The following STXBP4 variants were observed in gnomAD, a reference collection of about 807,000 sequenced individuals.
The protein encoded by STXBP4 is syntaxin binding protein 4, also known as syntaxin-binding protein 4.
Under a neutral mutation model 76.1 loss-of-function variants are expected in STXBP4, and 55 were observed. That is an observed-to-expected ratio of 0.72 (90% CI 0.58 to 0.91). STXBP4 has a LOEUF of 0.91. STXBP4 is among the 40% of genes least tolerant of loss of function. The pLI, the probability that STXBP4 is intolerant of heterozygous loss-of-function variation, is 0.00. For missense variants in STXBP4, 618 were observed against 636.9 expected (o/e 0.97, Z 0.32); for synonymous variants, 201 against 220.2 (o/e 0.91, Z 0.77).
At position 55,163,599 on chromosome 17, in the gene STXBP4, T is replaced by C. The variant is rs1028379418; in HGVS notation, c.*3688T>C. On this transcript the variant is annotated 3_prime_UTR_variant, in exon 18 of 18. Coordinates refer to ENST00000376352, the MANE Select transcript of STXBP4 (RefSeq NM_178509.6). ...CAGCAAACACTTCCTGAGCACCTGC[T>C]ACATGCCAGGCAAAATGTGAAATTT... 2 of 152,200 alleles carry C rather than the reference T, an allele frequency of 1.3e-5. No homozygotes were observed. The highest frequency in any genetic ancestry group is 4.8e-5 in the African/African-American group (2 of 41,446). 9.4% of individuals were successfully genotyped at this position (152,200 alleles called of 1,614,324 possible).
At chr17:55,020,801 G>C (rs2078296847) in intron 8 of STXBP4, among the ~76,000 whole-genome samples, 1 of 152,098 alleles carries the variant, frequency 6.6e-6, no homozygotes, top group African/African-American at 2.4e-5. Context: ...TGGGCAACAA[G>C]AGTGAAACTC....
At chr17:55,144,017 A>G (rs879796932) in intron 17 of STXBP4, among the ~76,000 whole-genome samples, 3,465 of 137,138 alleles carry the variant, frequency 0.025, 44 homozygotes, top group Middle Eastern at 0.038. Context: ...ACACACACAC[A>G]CACACACACA....
intron 12 of STXBP4, among the ~76,000 whole-genome samples, chr17:55,055,383 G>C (rs1033670395): frequency 6.6e-6 from 1 of 152,006 alleles, no homozygotes; most frequent in African/African-American, 2.4e-5. Flanking sequence ...CAACTTGTTG[G>C]GCCTACTTTT....
At chr17:55,052,541 A>AT in intron 12 of STXBP4, among the ~76,000 whole-genome samples, 1 of 152,142 alleles carries the variant, frequency 6.6e-6, no homozygotes, top group Non-Finnish European at 1.5e-5. Flanking sequence ...TAAAGACTTG[A>AT]TCAGGCACAA....
the STXBP4 span, among the ~76,000 whole-genome samples, chr17:55,181,308 T>C: frequency 1.3e-5 from 2 of 152,230 alleles, no homozygotes; most frequent in South Asian, 2.1e-4. Flanking sequence ...AGGTACAAAT[T>C]TTTTAAATAA....
At chr17:55,148,549 T>C (rs1353431035) in intron 17 of STXBP4, among the ~76,000 whole-genome samples, 1 of 151,722 alleles carries the variant, frequency 6.6e-6, no homozygotes, top group East Asian at 1.9e-4. Context: ...TTTTTTTTTC[T>C]TTTTTTTGAG....
the STXBP4 span, among the ~76,000 whole-genome samples, chr17:55,206,787 G>T: frequency 6.7e-6 from 1 of 149,150 alleles, no homozygotes; most frequent in Admixed American, 6.8e-5. Context: ...AACCCGGAAG[G>T]GGGAGGTTGC....
intron 13 of STXBP4, among the ~76,000 whole-genome samples, chr17:55,074,433 C>T (rs1265196788): frequency 6.6e-6 from 1 of 152,026 alleles, no homozygotes; most frequent in African/African-American, 2.4e-5. Flanking sequence ...TTTTTACATT[C>T]TGAAAGTAGA....
intron 16 of STXBP4, among the ~76,000 whole-genome samples, chr17:55,093,399 G>C (rs1860020913): frequency 6.6e-6 from 1 of 152,110 alleles, no homozygotes; most frequent in African/African-American, 2.4e-5. Flanking sequence ...CCTAGAATTG[G>C]GGTGATGTTC....
chr17:55,136,486 A>G (rs2145137189), intron 16 of STXBP4, among the ~76,000 whole-genome samples: 1 of 152,000 alleles, frequency 6.6e-6, no homozygotes, highest in Admixed American at 6.6e-5. Context: ...CTTCCTAATT[A>G]TTTTCCTGCA....
chr17:55,039,739 TA>T (rs5821081), intron 10 of STXBP4, among the ~76,000 whole-genome samples: 30,451 of 146,280 alleles, frequency 0.21, 3,263 homozygotes, highest in Middle Eastern at 0.32. Context: ...GAAGAATGAA[TA>T]AAAAAAAAAA....
At chr17:55,100,559 C>A (rs1470745918) in intron 16 of STXBP4, among the ~76,000 whole-genome samples, 5 of 152,096 alleles carry the variant, frequency 3.3e-5, no homozygotes, top group African/African-American at 1.2e-4. Context: ...AAGTTAAGGC[C>A]AGGATTAACT....
the STXBP4 span, among the ~76,000 whole-genome samples, chr17:55,189,738 A>C: frequency 6.6e-6 from 1 of 152,246 alleles, no homozygotes; most frequent in African/African-American, 2.4e-5. Flanking sequence ...TTACGCTCTG[A>C]AAAACAGATG....
intron 8 of STXBP4, among the ~76,000 whole-genome samples, chr17:55,013,875 G>A (rs995171893): frequency 2.0e-5 from 3 of 152,144 alleles, no homozygotes; most frequent in African/African-American, 7.2e-5. Context: ...CAAGAATTGA[G>A]AGTCAGGATG....
intron 4 of STXBP4, among the ~76,000 whole-genome samples, chr17:54,995,069 A>T (rs1355982258): frequency 6.6e-6 from 1 of 152,134 alleles, no homozygotes; most frequent in Non-Finnish European, 1.5e-5. Context: ...GAACCACAAG[A>T]CAGTATGTTT....
intron 16 of STXBP4, among the ~76,000 whole-genome samples, chr17:55,121,077 A>G (rs992541028): frequency 2.0e-5 from 3 of 152,206 alleles, no homozygotes; most frequent in Non-Finnish European, 2.9e-5. Context: ...TAAATATTCA[A>G]TTCGGAAAAT....
intron 13 of STXBP4, 61 bp from the exon 14 acceptor site, chr17:55,078,017 A>G: frequency 1.0e-6 from 1 of 985,402 alleles, no homozygotes; most frequent in Non-Finnish European, 1.5e-6. Flanking sequence ...AACTGAAAAT[A>G]GGGACCAGTA....
At chr17:55,182,464 T>C in the STXBP4 span, among the ~76,000 whole-genome samples, 49 of 152,088 alleles carry the variant, frequency 3.2e-4, no homozygotes, top group African/African-American at 1.2e-3. Flanking sequence ...ACAGTGAGAA[T>C]ATGAAGTACA....
chr17:55,116,851 T>C (rs2079786077), intron 16 of STXBP4, among the ~76,000 whole-genome samples: 1 of 151,760 alleles, frequency 6.6e-6, no homozygotes, highest in East Asian at 1.9e-4. Context: ...AGAAAAACAA[T>C]GTATTCCTTC....
Sources: allele counts gnomAD v4.1 joint callset (sites outside exome capture counted in the v4.1 genomes callset), GRCh38; gene constraint gnomAD v4.1.1; transcripts MANE v1.5; gene names NCBI Gene and HGNC (gene_info 2026-07-23, HGNC 2026-07-21).